Variants in CDH12 observed in about 807,000 individuals in gnomAD.
CDH12 encodes the protein cadherin-12.
CDH12 carries 41 observed loss-of-function variants against 74.1 expected under a neutral mutation model. The ratio of observed to expected loss-of-function variants is 0.55; its 90% CI spans 0.43 to 0.72. The LOEUF is 0.72. Among genes scored for constraint, CDH12 ranks in the 30% least tolerant of loss-of-function variants. The pLI is 0.00. For missense variants in CDH12, 945 were observed against 977.2 expected (o/e 0.97, Z 0.44); for synonymous variants, 399 against 355.0 (o/e 1.12, Z -1.39).
At chr5:21,943,928 C>T in intron 6 of CDH12, among the ~76,000 whole-genome samples, 1 of 151,930 alleles carries the variant, frequency 6.6e-6, no homozygotes, top group Non-Finnish European at 1.5e-5. Flanking sequence ...TAAATCTATC[C>T]CTGAACATCA....
At chr5:22,697,433 G>A (rs1338326930) in intron 1 of CDH12, among the ~76,000 whole-genome samples, 4 of 151,916 alleles carry the variant, frequency 2.6e-5, no homozygotes, top group East Asian at 1.9e-4. Flanking sequence ...TTAGCCAGGC[G>A]TGGTGGCGGG....
intron 1 of CDH12, among the ~76,000 whole-genome samples, chr5:22,577,546 A>C (rs761455637): frequency 1.8e-4 from 28 of 152,184 alleles, no homozygotes; most frequent in Non-Finnish European, 1.9e-4. Context: ...AAGCTGTTCC[A>C]GAATGTGTAG....
chr5:22,512,313 A>G (rs148170550), intron 1 of CDH12, among the ~76,000 whole-genome samples: 1 of 152,310 alleles, frequency 6.6e-6, no homozygotes, highest in African/African-American at 2.4e-5. Flanking sequence ...GTGTTCTTCT[A>G]CCTGATTCTG....
intron 1 of CDH12, among the ~76,000 whole-genome samples, chr5:22,538,205 A>C (rs576797289): frequency 3.6e-4 from 55 of 152,272 alleles, no homozygotes; most frequent in African/African-American, 1.3e-3. Flanking sequence ...TCTCCGTCAC[A>C]GTCTAAAAAT....
chr5:22,273,682 C>A (rs1176460558), intron 3 of CDH12, among the ~76,000 whole-genome samples: 5 of 152,174 alleles, frequency 3.3e-5, no homozygotes, highest in South Asian at 2.1e-4. Flanking sequence ...ACTTCTCAGA[C>A]TGAGCTGGTA....
chr5:22,768,705 G>A (rs931909837), intron 1 of CDH12, among the ~76,000 whole-genome samples: 1 of 151,942 alleles, frequency 6.6e-6, no homozygotes, highest in East Asian at 1.9e-4. Context: ...TAACTACCTG[G>A]TCTCTGCCAC....
intron 1 of CDH12, among the ~76,000 whole-genome samples, chr5:22,835,072 T>C (rs1455386447): frequency 2.0e-5 from 3 of 152,138 alleles, no homozygotes; most frequent in Non-Finnish European, 2.9e-5. Context: ...TTTAGCAAAA[T>C]ACTGCAATGA....
intron 1 of CDH12, among the ~76,000 whole-genome samples, chr5:22,758,271 A>G (rs888113597): frequency 1.3e-5 from 2 of 152,190 alleles, no homozygotes; most frequent in African/African-American, 2.4e-5. Context: ...TTAATCTAAC[A>G]TGTAACAGAA....
chr5:22,559,891 A>T (rs747541373), intron 1 of CDH12, among the ~76,000 whole-genome samples: 7 of 152,116 alleles, frequency 4.6e-5, no homozygotes, highest in African/African-American at 7.2e-5. Context: ...GTAATCCATA[A>T]AGTTCCCTTA....
intron 11 of CDH12, among the ~76,000 whole-genome samples, chr5:21,772,810 T>C (rs922365715): frequency 2.0e-5 from 3 of 152,184 alleles, no homozygotes; most frequent in Non-Finnish European, 4.4e-5. Context: ...TTATCCAAAT[T>C]TCAACCTTTA....
At chr5:22,258,985 A>G (rs1336947143) in intron 3 of CDH12, among the ~76,000 whole-genome samples, 2 of 152,342 alleles carry the variant, frequency 1.3e-5, no homozygotes, top group Non-Finnish European at 2.9e-5. Context: ...AACACATCAC[A>G]GATCTAGTCA....
At chr5:22,426,347 T>A (rs991989325) in intron 2 of CDH12, among the ~76,000 whole-genome samples, 1 of 151,894 alleles carries the variant, frequency 6.6e-6, no homozygotes, top group Non-Finnish European at 1.5e-5. Context: ...TATATTGTTG[T>A]GTTTGTTTGT....
At chr5:21,814,531 T>C (rs1747937033) in intron 9 of CDH12, among the ~76,000 whole-genome samples, 1 of 151,598 alleles carries the variant, frequency 6.6e-6, no homozygotes, top group Non-Finnish European at 1.5e-5. Flanking sequence ...TACATTTTTC[T>C]AGATTGACAC....
chr5:22,118,937 C>T (rs1322424800), intron 4 of CDH12, among the ~76,000 whole-genome samples: 1 of 152,048 alleles, frequency 6.6e-6, no homozygotes, highest in African/African-American at 2.4e-5. Context: ...ATGGAAAGTT[C>T]TGTTCTGGGG....
At chr5:22,333,434 T>C (rs1165429103) in intron 3 of CDH12, among the ~76,000 whole-genome samples, 1 of 152,074 alleles carries the variant, frequency 6.6e-6, no homozygotes, top group African/African-American at 2.4e-5. Context: ...TGTAACTATG[T>C]AACAAACCTG....
intron 6 of CDH12, among the ~76,000 whole-genome samples, chr5:21,964,900 G>A (rs1172192381): frequency 6.6e-6 from 1 of 151,866 alleles, no homozygotes; most frequent in Non-Finnish European, 1.5e-5. Context: ...ACAGGAATAA[G>A]AAATATAGGT....
intron 4 of CDH12, among the ~76,000 whole-genome samples, chr5:22,108,580 C>A (rs946737882): frequency 6.6e-6 from 1 of 152,176 alleles, no homozygotes; most frequent in Non-Finnish European, 1.5e-5. Flanking sequence ...TGCCATGAGG[C>A]TAGTGAGCCA....
intron 10 of CDH12, among the ~76,000 whole-genome samples, chr5:21,800,336 T>A (rs1231661794): frequency 1.3e-5 from 2 of 152,060 alleles, no homozygotes; most frequent in East Asian, 3.9e-4. Flanking sequence ...AAATTTGGGG[T>A]GGGCAGAATT....
At chr5:21,798,249 ATGTGTGTGTGTG>A (rs55704091) in intron 10 of CDH12, among the ~76,000 whole-genome samples, 8 of 148,884 alleles carry the variant, frequency 5.4e-5, no homozygotes, top group African/African-American at 2.0e-4. Flanking sequence ...GTATATGTGG[ATGTGTGTGTGTG>A]TGTGTGTGTG....
Sources: allele counts gnomAD v4.1 joint callset (sites outside exome capture counted in the v4.1 genomes callset), GRCh38; gene constraint gnomAD v4.1.1; transcripts MANE v1.5; gene names NCBI Gene and HGNC (gene_info 2026-07-23, HGNC 2026-07-21).